SLC30A8: variants seen among roughly 807,000 people sequenced by gnomAD.
The protein encoded by SLC30A8 is solute carrier family 30 member 8.
In SLC30A8, 27 loss-of-function variants were observed where a neutral mutation model predicts 36.9. The ratio of observed to expected loss-of-function variants is 0.73; its 90% CI spans 0.54 to 1.01. The LOEUF is 1.01. SLC30A8 is among the 50% of genes least tolerant of loss of function. The pLI is 0.00. For missense variants in SLC30A8, 439 were observed against 452.0 expected, an observed-to-expected ratio of 0.97 and a Z score of 0.26; for synonymous variants, 164 against 172.4, an observed-to-expected ratio of 0.95 and a Z score of 0.38.
Position 117,167,496 on chromosome 8 carries a change from T to TATATATATATATATATATATATAC in SLC30A8, c.830-3537_830-3536insTATATATATATATATATATATACA, listed in dbSNP as rs1403884282. Among the ~76,000 whole-genome samples, 66 of 140,564 alleles carry TATATATATATATATATATATATAC rather than the reference T, an allele frequency of 4.7e-4. 1 individual carries two copies. The highest frequency in any genetic ancestry group is 1.9e-3 in the African/African-American group (65 of 33,884). The allele number at this position is 140,564 out of a possible 152,430, so 92.2% of individuals were successfully genotyped here. Reference sequence around the variant, plus strand: ...GTGCATTTGCATATATATATATACATACATACATGTATATGTATATGTGTA... The same window carrying TATATATATATATATATATATATAC: ...GTGCATTTGCATATATATATATACATATATATATATATATATATATATACACATACATGTATATGTATATGTGTA... On this transcript the variant is annotated intron_variant, in intron 6 of 7. Transcript: ENST00000456015.
At chr8:117,013,664 T>C (rs187314478) in intron 1 of SLC30A8, among the ~76,000 whole-genome samples, 2,904 of 152,268 alleles carry the variant, frequency 0.019, 42 homozygotes, top group Non-Finnish European at 0.029. Context: ...GGGATGAAGA[T>C]GGAAATCCTT....
intron 2 of SLC30A8, among the ~76,000 whole-genome samples, chr8:117,107,632 G>A (rs1217154463): frequency 6.6e-6 from 1 of 152,094 alleles, no homozygotes; most frequent in Admixed American, 6.6e-5. Context: ...TTGACAAGAT[G>A]ATCCAAGTTC....
At chr8:117,155,894 T>G (rs1452367649) in intron 3 of SLC30A8, among the ~76,000 whole-genome samples, 1 of 152,156 alleles carries the variant, frequency 6.6e-6, no homozygotes, top group Non-Finnish European at 1.5e-5. Context: ...TTTTCCCAAT[T>G]TGCATGTCTA....
In SLC30A8 at chr8:117,135,268, A is replaced by G; in HGVS notation, c.-60A>G. On this transcript the variant is annotated 5_prime_UTR_variant, in exon 1 of 8. Coordinates refer to ENST00000456015, the MANE Select transcript of SLC30A8 (RefSeq NM_173851.3). ...ATAATTGCAGTGCTGCTTTGCTTCC[A>G]AAACTGGGCAGTGAGTTCAACAACA... 1 of 1,325,198 alleles carries G rather than the reference A, an allele frequency of 7.5e-7. No homozygotes were observed. The highest frequency in any genetic ancestry group is 1.1e-6 in the Non-Finnish European group (1 of 949,202). 82.1% of individuals were successfully genotyped at this position (1,325,198 alleles called of 1,614,324 possible). A position where few individuals can be genotyped will look rare whatever the true frequency, so the allele number is the denominator to read the frequency against.
rs1491297299 is a variant in SLC30A8, at chr8:117,171,170, TCA to T, written c.964+3_964+4del. 5.0e-6 allele frequency: 8 copies of T among 1,613,346 alleles called. No homozygotes were observed. The South Asian group carries it at 8.8e-5, about 18-fold the overall frequency. On this transcript the variant is annotated splice_donor_region_variant and intron_variant, in intron 7 of 7. Coordinates refer to ENST00000456015, the MANE Select transcript of SLC30A8 (RefSeq NM_173851.3). The stretch of plus-strand genomic sequence containing the variant: ...TTCTCTCAGCTCATGTTGCTACAGG[TCA>T]GTGAGTTTTGTAAACACCCTGGAAA...
chr8:117,117,132 A>T (rs962823247), intron 2 of SLC30A8, among the ~76,000 whole-genome samples: 1 of 152,002 alleles, frequency 6.6e-6, no homozygotes, highest in African/African-American at 2.4e-5. Context: ...CTTTATATGA[A>T]GCAAAAGGGC....
intron 1 of SLC30A8, among the ~76,000 whole-genome samples, chr8:116,989,466 ATTGT>A (rs1459771947): frequency 6.6e-6 from 1 of 152,114 alleles, no homozygotes; most frequent in Non-Finnish European, 1.5e-5. Flanking sequence ...CTCATCCTAT[ATTGT>A]TTATTATTTA....
intron 1 of SLC30A8, among the ~76,000 whole-genome samples, chr8:117,019,214 C>T (rs1816625324): frequency 6.6e-6 from 1 of 152,176 alleles, no homozygotes; most frequent in Admixed American, 6.5e-5. Context: ...GAGTATTCAG[C>T]ACAAGGCCTG....
chr8:116,980,914 A>G (rs940453883), intron 1 of SLC30A8, among the ~76,000 whole-genome samples: 5 of 152,230 alleles, frequency 3.3e-5, no homozygotes, highest in Non-Finnish European at 5.9e-5. Flanking sequence ...TTTGGTTAAC[A>G]AATTTATTTA....
intron 1 of SLC30A8, among the ~76,000 whole-genome samples, chr8:117,038,705 A>T (rs1365458402): frequency 6.6e-6 from 1 of 152,246 alleles, no homozygotes; most frequent in East Asian, 1.9e-4. Flanking sequence ...ATCGTACTCT[A>T]GAAATGTGAA....
At chr8:117,051,119 T>A (rs1032892326) in intron 2 of SLC30A8, among the ~76,000 whole-genome samples, 1 of 152,202 alleles carries the variant, frequency 6.6e-6, no homozygotes, top group East Asian at 1.9e-4. Flanking sequence ...AGAGAAAAAG[T>A]GGCCTAGGAT....
intron 3 of SLC30A8, among the ~76,000 whole-genome samples, chr8:117,155,666 T>G (rs1235011958): frequency 6.6e-6 from 1 of 152,200 alleles, no homozygotes; most frequent in African/African-American, 2.4e-5. Context: ...ATATATTACA[T>G]TACTTGGTTT....
intron 2 of SLC30A8, among the ~76,000 whole-genome samples, chr8:117,059,646 C>G (rs1277479592): frequency 2.0e-5 from 3 of 152,200 alleles, no homozygotes; most frequent in Non-Finnish European, 4.4e-5. Flanking sequence ...TCTACTCCAT[C>G]ATGTTGGTTT....
chr8:117,029,481 A>T (rs1435054377), intron 1 of SLC30A8, among the ~76,000 whole-genome samples: 1 of 152,220 alleles, frequency 6.6e-6, no homozygotes, highest in East Asian at 1.9e-4. Flanking sequence ...AAGAAGAAAG[A>T]CAACCACAGA....
At chr8:116,967,816 C>T (rs1040754462) in intron 1 of SLC30A8, among the ~76,000 whole-genome samples, 1 of 152,114 alleles carries the variant, frequency 6.6e-6, no homozygotes, top group Non-Finnish European at 1.5e-5. Flanking sequence ...ACATCTAGCT[C>T]AAGTTGGTTG....
intron 2 of SLC30A8, among the ~76,000 whole-genome samples, chr8:117,052,775 A>G (rs1488949377): frequency 3.9e-5 from 6 of 152,210 alleles, no homozygotes; most frequent in Non-Finnish European, 8.8e-5. Context: ...TGATTTTACT[A>G]TAAATTACTT....
At chr8:117,144,111 G>A (rs17738231) in intron 1 of SLC30A8, among the ~76,000 whole-genome samples, 1 of 151,984 alleles carries the variant, frequency 6.6e-6, no homozygotes, top group Non-Finnish European at 1.5e-5. Context: ...TCAGCCCAAG[G>A]AAACAGTAAA....
At chr8:117,057,735 A>G (rs139539309) in intron 2 of SLC30A8, among the ~76,000 whole-genome samples, 1 of 152,132 alleles carries the variant, frequency 6.6e-6, no homozygotes, top group African/African-American at 2.4e-5. Flanking sequence ...TCTATTTTAT[A>G]TATAGGCATA....
chr8:117,100,314 T>C (rs752003398), intron 2 of SLC30A8, among the ~76,000 whole-genome samples: 12 of 152,186 alleles, frequency 7.9e-5, no homozygotes, highest in Non-Finnish European at 1.6e-4. Flanking sequence ...GTGGAAAAGA[T>C]ATATTTGAAC....
Sources: gnomAD v4.1 joint callset for allele counts (sites outside exome capture counted in the v4.1 genomes callset) on GRCh38, gnomAD v4.1.1 for gene constraint, MANE v1.5 for transcripts, NCBI Gene and HGNC (gene_info 2026-07-23, HGNC 2026-07-21) for gene names.